Variants in TLN2 observed in about 807,000 individuals in gnomAD.
TLN2 encodes the protein talin 2.
In TLN2, 118 loss-of-function variants were observed where a neutral mutation model predicts 294.7. The observed-to-expected ratio is 0.40, with a 90% CI of 0.34 to 0.47. The LOEUF is 0.47. Ranked by LOEUF, TLN2 falls within the 20% of genes least tolerant of loss-of-function variation. The probability of loss-of-function intolerance (pLI) is 0.84; values close to 1 mark genes in which losing one functional copy is unlikely to be tolerated. For missense variants in TLN2, 3,083 were observed against 3,282.2 expected (o/e 0.94, Z 1.48); for synonymous variants, 1,431 against 1,304.5 (o/e 1.10, Z -2.09).
rs772151916 is a variant in TLN2 at position 62,797,285 on chromosome 15, G to T, written c.6117G>T (p.Ala2039=). 4 of 1,613,782 alleles carry T rather than the reference G, an allele frequency of 2.5e-6. No individual in the cohort carries two copies. In the South Asian group the frequency reaches 3.3e-5, roughly 13 times the overall value. Residue 2039 remains alanine (A), a synonymous_variant, in exon 48 of 59, where the codon GCG becomes GCT. Coordinates refer to ENST00000636159, the MANE Select transcript of TLN2 (RefSeq NM_015059.3). The part of the protein sequence containing the change: ...EDTKLLVSGA[A]STPDKLAQAA... ...CGAAACTACTTGTGTCAGGAGCTGCGTCCACTCCTGACAAGCTGGCCCAGG... is the reference window on the plus strand; with the variant it reads ...CGAAACTACTTGTGTCAGGAGCTGCTTCCACTCCTGACAAGCTGGCCCAGG...
At chr15:62,524,731 G>A (rs938003153) in intron 1 of TLN2, among the ~76,000 whole-genome samples, 5 of 152,106 alleles carry the variant, frequency 3.3e-5, no homozygotes, top group African/African-American at 9.7e-5. Flanking sequence ...AATCAGTTGG[G>A]CTGCCTCATA....
chr15:62,486,148 C>CT (rs1231894812), intron 1 of TLN2, among the ~76,000 whole-genome samples: 4 of 152,202 alleles, frequency 2.6e-5, no homozygotes, highest in African/African-American at 9.7e-5. Context: ...CATCATGCCC[C>CT]TTTGCTGCTA....
At chr15:62,590,674 G>A (rs1187108060) in intron 2 of TLN2, among the ~76,000 whole-genome samples, 3 of 152,198 alleles carry the variant, frequency 2.0e-5, no homozygotes, top group Non-Finnish European at 4.4e-5. Context: ...TTTGGTTGTA[G>A]ATTATTGTTT....
chr15:62,572,762 G>A (rs1482314693), intron 1 of TLN2, among the ~76,000 whole-genome samples: 1 of 149,376 alleles, frequency 6.7e-6, no homozygotes, highest in African/African-American at 2.5e-5. Flanking sequence ...CTCTGGAGAG[G>A]CTTTGTCCTC....
intron 12 of TLN2, among the ~76,000 whole-genome samples, chr15:62,689,068 C>CTTTTTTTTTTTTTTTTTTTTCTTT (rs796645804): frequency 8.6e-6 from 1 of 116,638 alleles, no homozygotes; most frequent in African/African-American, 3.3e-5. Context: ...TTCTCTCTCT[C>CTTTTTTTTTTTTTTTTTTTTCTTT]TTTTTTTTTT....
rs375121595 is a variant in TLN2, at chr15:62,701,168, T to C, written c.1650T>C (p.Val550=). Residue 550 remains valine, a synonymous_variant, in exon 17 of 59, where the codon GTT becomes GTC. Coordinates refer to ENST00000636159, the MANE Select transcript of TLN2 (RefSeq NM_015059.3). ...DESKHEIHSQ[V]DAITAGTASV... Reference sequence around the variant, plus strand: ...CCAAACACGAAATCCATTCTCAAGTTGATGCTATCACGGCCGGAACGGCTT... The same window carrying C: ...CCAAACACGAAATCCATTCTCAAGTCGATGCTATCACGGCCGGAACGGCTT... 1.2e-5 allele frequency: 19 copies of C among 1,614,136 alleles called. No homozygotes were observed. In the African/African-American group the frequency reaches 1.7e-4, roughly 15 times the overall value.
chr15:62,581,041 G>A (rs1234774863), intron 1 of TLN2, among the ~76,000 whole-genome samples: 1 of 151,802 alleles, frequency 6.6e-6, no homozygotes, highest in African/African-American at 2.4e-5. Flanking sequence ...CCACCACCAT[G>A]CCCGGCTAAT....
At chr15:62,430,099 T>C (rs1387627921) in intron 1 of TLN2, among the ~76,000 whole-genome samples, 1 of 152,204 alleles carries the variant, frequency 6.6e-6, no homozygotes, top group Non-Finnish European at 1.5e-5. Flanking sequence ...GTGTACAGAT[T>C]TTAAAAAGGA....
chr15:62,413,898 T>TGGGGAAACAGCAGCCCAACA (rs1555404090), intron 1 of TLN2, among the ~76,000 whole-genome samples: 1 of 142,942 alleles, frequency 7.0e-6, no homozygotes, highest in African/African-American at 2.5e-5. Context: ...ATGCCTATTT[T>TGGGGAAACAGCAGCCCAACA]ATTTTTGTCC....
intron 1 of TLN2, among the ~76,000 whole-genome samples, chr15:62,427,981 C>T (rs776328339): frequency 7.2e-5 from 11 of 152,122 alleles, no homozygotes; most frequent in Non-Finnish European, 1.2e-4. Flanking sequence ...CTTCCTCACT[C>T]TTCTTGGAAG....
chr15:62,686,780 C>T lies in TLN2; in HGVS notation c.1097C>T (p.Pro366Leu). Residue 366 changes from proline (P) to leucine (L), a missense_variant, in exon 12 of 59, where the codon CCC becomes CTC. Pro to Leu is a moderately conservative substitution (Grantham distance 98, BLOSUM62 -3). Coordinates refer to ENST00000636159, the MANE Select transcript of TLN2 (RefSeq NM_015059.3). ...LTTVKRWAAS[P>L]KSFTLDFGEY... is the part of the protein sequence containing the mutation. ...ACCGTCAAGCGCTGGGCAGCCTCAC[C>T]CAAGAGCTTCACACTGGTAGGGACT... 2 of 1,613,200 alleles carry T rather than the reference C, an allele frequency of 1.2e-6. No individual in the cohort carries two copies. Among genetic ancestry groups the T allele is most frequent in the Non-Finnish European group, 1.7e-6 (2 of 1,179,878 alleles).
chr15:62,606,589 A>G (rs1347883829), intron 2 of TLN2, among the ~76,000 whole-genome samples: 4 of 152,190 alleles, frequency 2.6e-5, no homozygotes. Context: ...TAACCCAAGT[A>G]TAAGGTCAGC....
At chr15:62,404,607 A>G (rs1446950209) in intron 1 of TLN2, among the ~76,000 whole-genome samples, 2 of 152,192 alleles carry the variant, frequency 1.3e-5, no homozygotes, top group Non-Finnish European at 2.9e-5. Flanking sequence ...GCTTCAATAT[A>G]GTCCATTTAA....
rs141440566 is a variant in TLN2, at chr15:62,820,559, C to T, written c.6951C>T (p.Ile2317=). Residue 2317 remains isoleucine, a synonymous_variant, in exon 54 of 59, where the codon ATC becomes ATT. Coordinates refer to ENST00000636159, the MANE Select transcript of TLN2 (RefSeq NM_015059.3). ...AGTTACTGGGGGCTGCAGCATCCAT[C>T]GAAGCTGCTGCTAAGAAGTTAGAGC... is the stretch of plus-strand genomic sequence containing the variant. ...ETELLGAAAS[I]EAAAKKLEQL... 6.8e-6 allele frequency: 11 copies of T among 1,613,814 alleles called. No individual in the cohort carries two copies. The highest frequency in any genetic ancestry group is 5.0e-5 in the Admixed American group (3 of 59,996).
At chr15:62,787,245 C>G (rs1180883137) in intron 45 of TLN2, among the ~76,000 whole-genome samples, 1 of 152,158 alleles carries the variant, frequency 6.6e-6, no homozygotes, top group Admixed American at 6.5e-5. Context: ...CCATTCTTGC[C>G]TTTTCAACTT....
chr15:62,694,005 G>A (rs1218961871), intron 13 of TLN2, among the ~76,000 whole-genome samples: 2 of 140,872 alleles, frequency 1.4e-5, no homozygotes, highest in African/African-American at 5.9e-5. Flanking sequence ...GTCTCCCTCA[G>A]TCGCCCAGGC....
chr15:62,623,880 A>C (rs954379897), intron 3 of TLN2, among the ~76,000 whole-genome samples: 30 of 152,334 alleles, frequency 2.0e-4, no homozygotes, highest in African/African-American at 7.2e-4. Context: ...TTGTCATTCC[A>C]CTGAGGATTG....
chr15:62,773,492 G>T (rs1392643124), intron 42 of TLN2, among the ~76,000 whole-genome samples: 4 of 152,066 alleles, frequency 2.6e-5, no homozygotes, highest in Non-Finnish European at 5.9e-5. Context: ...GACAGGCTTA[G>T]CCCAAAGTGC....
intron 50 of TLN2, 24 bp downstream of exon 50, chr15:62,800,793 C>A: frequency 6.3e-7 from 1 of 1,590,450 alleles, no homozygotes; most frequent in South Asian, 1.1e-5. Context: ...AGTTACCTCC[C>A]TTGGGTACCA....
Sources: allele counts gnomAD v4.1 joint callset (sites outside exome capture counted in the v4.1 genomes callset), GRCh38; gene constraint gnomAD v4.1.1; transcripts MANE v1.5; gene names NCBI Gene and HGNC (gene_info 2026-07-23, HGNC 2026-07-21).